The following ARHGAP42 variants were observed in gnomAD, a reference collection of about 807,000 sequenced individuals.
ARHGAP42 encodes Rho GTPase activating protein 42.
ARHGAP42 carries 63 observed loss-of-function variants against 125.0 expected under a neutral mutation model. The ratio of observed to expected loss-of-function variants is 0.50; its 90% CI spans 0.41 to 0.62. The LOEUF is 0.62. Ranked by LOEUF, ARHGAP42 falls within the 20% of genes least tolerant of loss-of-function variation. The pLI is 0.00. For missense variants in ARHGAP42, 766 were observed against 1,024.2 expected, an observed-to-expected ratio of 0.75 and a Z score of 3.44; for synonymous variants, 339 against 351.0, an observed-to-expected ratio of 0.97 and a Z score of 0.38.
At chr11:100,713,379 T>C (rs1861596944) in intron 1 of ARHGAP42, among the ~76,000 whole-genome samples, 1 of 152,186 alleles carries the variant, frequency 6.6e-6, no homozygotes, top group Non-Finnish European at 1.5e-5. Context: ...TACAGTCTTG[T>C]AAGATCTGCC....
intron 2 of ARHGAP42, among the ~76,000 whole-genome samples, chr11:100,785,322 A>G (rs898467646): frequency 1.2e-4 from 18 of 152,178 alleles, no homozygotes; most frequent in Admixed American, 2.0e-4. Context: ...ATCTGGTAAG[A>G]GTGAGGGGAA....
rs755912415 is a variant in ARHGAP42, at chr11:100,974,539, C to A, written c.1791C>A (p.Ile597=). Residue 597 remains isoleucine, a synonymous_variant, in exon 19 of 24, where the codon ATC becomes ATA. Transcript: ENST00000298815. Reference sequence around the variant, plus strand: ...CTGGATCCCGAAGGACACGAGCAATCTGCCTCTCTACAGGGTCTAGGAAGC... The same window carrying A: ...CTGGATCCCGAAGGACACGAGCAATATGCCTCTCTACAGGGTCTAGGAAGC... The part of the protein sequence containing the change: ...SRSGSRRTRA[I]CLSTGSRKPR... The A allele has an allele frequency of 1.3e-6, 2 of 1,551,086 alleles. No homozygotes were observed. Among genetic ancestry groups the A allele is most frequent in the Non-Finnish European group, 1.7e-6 (2 of 1,146,702 alleles).
At chr11:100,844,160 C>T (rs1156890789) in intron 3 of ARHGAP42, among the ~76,000 whole-genome samples, 1 of 152,048 alleles carries the variant, frequency 6.6e-6, no homozygotes, top group Non-Finnish European at 1.5e-5. Context: ...TTACAGCCAA[C>T]TGATCTTTGA....
chr11:100,933,357 A>G (rs626529), intron 7 of ARHGAP42, 97 bp downstream of exon 7: 581,029 of 821,550 alleles, frequency 0.71, 207,022 homozygotes, highest in African/African-American at 0.81. Flanking sequence ...CTAGTGGAAA[A>G]TACAACCCAC....
intron 12 of ARHGAP42, among the ~76,000 whole-genome samples, chr11:100,957,263 T>C (rs1409813022): frequency 6.6e-6 from 1 of 152,072 alleles, no homozygotes; most frequent in East Asian, 1.9e-4. Context: ...AATTTCTTCT[T>C]ATGTTTTCCT....
Position 100,991,831 on chromosome 11 carries a change from A to G in ARHGAP42, c.*3030A>G, listed in dbSNP as rs1858838082. The stretch of plus-strand genomic sequence containing the variant: ...AACACAACCAGGTTTCTCAACAATG[A>G]TTTGTCTGCTGACTCTTTTCAGAGA... On this transcript the variant is annotated 3_prime_UTR_variant, in exon 24 of 24. Transcript: ENST00000298815. The G allele has an allele frequency of 6.5e-6, 1 of 153,550 alleles. No homozygotes were observed. Among genetic ancestry groups the G allele is most frequent in the Admixed American group, 6.4e-5 (1 of 15,506 alleles). The allele number at this position is 153,550 out of a possible 1,614,324, so 9.5% of individuals were successfully genotyped here. A position where few individuals can be genotyped will look rare whatever the true frequency, so the allele number is the denominator to read the frequency against.
intron 1 of ARHGAP42, among the ~76,000 whole-genome samples, chr11:100,699,749 C>T (rs1385731493): frequency 6.6e-6 from 1 of 151,836 alleles, no homozygotes; most frequent in Middle Eastern, 3.4e-3. Context: ...TCTCTAACTC[C>T]GGACCTGAGG....
At position 100,907,415 on chromosome 11, in the gene ARHGAP42, A is replaced by G. The variant is rs79961972; in HGVS notation, c.385-6037A>G. On this transcript the variant is annotated intron_variant, in intron 4 of 23. Coordinates refer to ENST00000298815, the MANE Select transcript of ARHGAP42 (RefSeq NM_152432.4). ...GTTTGATTACCTGGTGGTGGTGGCA[A>G]TGATGTAATTGGGAAAGCAAGAGAT... 1.2e-3 allele frequency among the ~76,000 whole-genome samples: 182 copies of G among 152,246 alleles called. 4 individuals are homozygous for G. In the East Asian group the frequency reaches 0.033, roughly 27 times the overall value.
chr11:100,697,826 T>C (rs1323576167), intron 1 of ARHGAP42, among the ~76,000 whole-genome samples: 1 of 152,206 alleles, frequency 6.6e-6, no homozygotes, highest in Non-Finnish European at 1.5e-5. Context: ...TTAATTTCCT[T>C]ATTCCTTAAA....
At chr11:100,726,060 G>A (rs1277157415) in intron 1 of ARHGAP42, among the ~76,000 whole-genome samples, 1 of 146,620 alleles carries the variant, frequency 6.8e-6, no homozygotes. Context: ...ATTGCACCTG[G>A]GAGAAAGACC....
intron 1 of ARHGAP42, among the ~76,000 whole-genome samples, chr11:100,690,666 G>A (rs576720599): frequency 2.6e-5 from 4 of 151,908 alleles, no homozygotes; most frequent in Admixed American, 6.6e-5. Context: ...GTGCGATCTC[G>A]GCTCACTGCA....
chr11:100,750,009 T>C (rs1434655864), intron 1 of ARHGAP42, among the ~76,000 whole-genome samples: 1 of 152,140 alleles, frequency 6.6e-6, no homozygotes, highest in Non-Finnish European at 1.5e-5. Flanking sequence ...TCCTGATTTC[T>C]CCTTATTTCT....
At chr11:100,868,371 A>G (rs1056179367) in intron 4 of ARHGAP42, among the ~76,000 whole-genome samples, 2 of 152,202 alleles carry the variant, frequency 1.3e-5, no homozygotes, top group South Asian at 2.1e-4. Context: ...TTTTTTAACA[A>G]TAATAGTACT....
intron 3 of ARHGAP42, among the ~76,000 whole-genome samples, chr11:100,848,519 C>T (rs1865125483): frequency 6.8e-6 from 1 of 146,354 alleles, no homozygotes. Flanking sequence ...TTTTTTTTTT[C>T]CTGAGGTGGA....
At chr11:100,752,058 G>A (rs1326268635) in intron 1 of ARHGAP42, among the ~76,000 whole-genome samples, 4 of 152,066 alleles carry the variant, frequency 2.6e-5, no homozygotes, top group Non-Finnish European at 2.9e-5. Flanking sequence ...GGGATTACAG[G>A]CAGGAGCCAC....
chr11:100,964,928 C>T (rs1359154994), intron 16 of ARHGAP42, among the ~76,000 whole-genome samples: 3 of 152,088 alleles, frequency 2.0e-5, no homozygotes, highest in Non-Finnish European at 2.9e-5. Flanking sequence ...TATTGCCACA[C>T]TGCTATGAAG....
intron 2 of ARHGAP42, among the ~76,000 whole-genome samples, chr11:100,774,069 A>G (rs371862840): frequency 7.2e-5 from 11 of 152,342 alleles, no homozygotes; most frequent in South Asian, 4.1e-4. Context: ...TCAATATCCT[A>G]TTCAACACTT....
At position 100,987,448 on chromosome 11, in the gene ARHGAP42, A is replaced by G; in HGVS notation, c.2457-65A>G. 3.9e-6 allele frequency: 5 copies of G among 1,270,920 alleles called. No individual in the cohort carries two copies. The South Asian group carries it at 5.2e-5, about 13-fold the overall frequency. The allele number at this position is 1,270,920 out of a possible 1,614,324, so 78.7% of individuals were successfully genotyped here. On this transcript the variant is annotated intron_variant, in intron 22 of 23. Transcript: ENST00000298815. ...AAAATTAATAGCATTCTTGAAGAAG[A>G]GTTTTAAATATAGATGTCCTTAGGT... is the stretch of plus-strand genomic sequence containing the variant.
Position 100,846,459 on chromosome 11 carries a change from C to A in ARHGAP42, c.313-13095C>A, listed in dbSNP as rs73007686. ...CTTTATCATTTAAGTTTGATTTTGG[C>A]ATTTTCCACTCTCTAACTTCCTGTC... On this transcript the variant is annotated intron_variant, in intron 3 of 23. Transcript: ENST00000298815. Among the ~76,000 whole-genome samples, 1,353 of 152,206 alleles carry A rather than the reference C, an allele frequency of 8.9e-3. 6 individuals are homozygous for A. The highest frequency in any genetic ancestry group is 0.016 in the Admixed American group (244 of 15,274).
Sources: allele counts gnomAD v4.1 joint callset (sites outside exome capture counted in the v4.1 genomes callset), GRCh38; gene constraint gnomAD v4.1.1; transcripts MANE v1.5; gene names NCBI Gene and HGNC (gene_info 2026-07-23, HGNC 2026-07-21).